The following KLK13 variants were observed in gnomAD, a reference collection of about 807,000 sequenced individuals.
The protein encoded by KLK13 is kallikrein related peptidase 13.
KLK13 carries 19 observed loss-of-function variants against 22.4 expected under a neutral mutation model. The observed-to-expected ratio is 0.85, with a 90% CI of 0.59 to 1.24. The LOEUF (loss-of-function observed/expected upper bound fraction) is 1.24. Among genes scored for constraint, KLK13 ranks in the 50% most tolerant of loss-of-function variants. The pLI, the probability that KLK13 is intolerant of heterozygous loss-of-function variation, is 0.00. For missense variants in KLK13, 311 were observed against 347.9 expected, an observed-to-expected ratio of 0.89 and a Z score of 0.84; for synonymous variants, 156 against 141.8, an observed-to-expected ratio of 1.10 and a Z score of -0.71.
rs1432953221 is a variant in KLK13, at chr19:51,059,801, C to T, written c.508+24G>A. On this transcript the variant is annotated intron_variant, in intron 3 of 4. Transcript: ENST00000595793. ...TTCCCCAGCCACTCCTATGGGGCCTCAGGCCACCTGTGTGGGTGCATACCC... is the reference window on the plus strand; with the variant it reads ...TTCCCCAGCCACTCCTATGGGGCCTTAGGCCACCTGTGTGGGTGCATACCC... 5 of 1,555,972 alleles carry T rather than the reference C, an allele frequency of 3.2e-6. No individual in the cohort carries two copies. In the African/African-American group the frequency reaches 6.9e-5, roughly 22 times the overall value.
At chr19:51,061,221 CCATCCAT>C (rs1345571216) in intron 1 of KLK13, among the ~76,000 whole-genome samples, 4 of 150,856 alleles carry the variant, frequency 2.7e-5, no homozygotes, top group Admixed American at 6.6e-5. Flanking sequence ...ATCCATCCAT[CCATCCAT>C]CCAATCCAAC....
chr19:51,060,329 TC>T, intron 2 of KLK13, 103 bp downstream of exon 2: 1 of 1,266,254 alleles, frequency 7.9e-7, no homozygotes, highest in Non-Finnish European at 1.1e-6. Flanking sequence ...CCCATGTCCA[TC>T]CCCAACCCTA....
intron 4 of KLK13, among the ~76,000 whole-genome samples, chr19:51,057,909 C>T (rs984299726): frequency 5.9e-5 from 9 of 152,200 alleles, no homozygotes; most frequent in African/African-American, 1.7e-4. Context: ...TCAGGCTTGG[C>T]CCATCAGAGA....
chr19:51,059,591 A>G (rs2091706424), intron 3 of KLK13: 1 of 236,656 alleles, frequency 4.2e-6, no homozygotes, highest in Non-Finnish European at 7.7e-6. Context: ...TAATATATTC[A>G]TATATTAGAT....
At chr19:51,058,869 G>A (rs750906392) in intron 3 of KLK13, among the ~76,000 whole-genome samples, 195 bp from the exon 4 acceptor site, 3 of 151,954 alleles carry the variant, frequency 2.0e-5, no homozygotes, top group Non-Finnish European at 2.9e-5. Flanking sequence ...GGAGAGAGGC[G>A]AAGGGAGAGA....
chr19:51,064,957 T>C, intron 1 of KLK13, 59 bp downstream of exon 1: 1 of 1,373,444 alleles, frequency 7.3e-7, no homozygotes, highest in African/African-American at 1.4e-5. Context: ...CCCTCCGGCC[T>C]GACCCCTCCT....
Position 51,057,473 on chromosome 19 carries a change from T to C in KLK13, c.646-698A>G, listed in dbSNP as rs112747685. On this transcript the variant is annotated intron_variant, in intron 4 of 4. Transcript: ENST00000595793. ...GAGACAGTGTCTTGCTCTATTTATT[T>C]CTTTTTGTTTTAGAGACAGGGCCTT... Among the ~76,000 whole-genome samples, 954 of 152,266 alleles carry C rather than the reference T, an allele frequency of 6.3e-3. 3 individuals carry two copies. Among genetic ancestry groups the C allele is most frequent in the African/African-American group, 0.011 (456 of 41,546 alleles).
chr19:51,060,586 G>A lies in KLK13; in HGVS notation c.86C>T (p.Thr29Ile). The A allele has an allele frequency of 6.2e-7, 1 of 1,611,902 alleles. No individual in the cohort carries two copies. Among genetic ancestry groups the A allele is most frequent in the Non-Finnish European group, 8.5e-7 (1 of 1,178,596 alleles). ...VSQESSKVLN[T>I]NGTSGFLPGG... Reference sequence around the variant, plus strand: ...TGGGAGAAACCCACTGGTCCCATTGGTGTTGAGAACCTTGGAAGACTCCTG... The same window carrying A: ...TGGGAGAAACCCACTGGTCCCATTGATGTTGAGAACCTTGGAAGACTCCTG... Residue 29 changes from threonine (T) to isoleucine (I), a missense_variant, in exon 2 of 5, where the codon ACC becomes ATC. Transcript: ENST00000595793.
At chr19:51,062,186 T>C (rs2091736976) in intron 1 of KLK13, among the ~76,000 whole-genome samples, 2 of 152,180 alleles carry the variant, frequency 1.3e-5, no homozygotes, top group African/African-American at 2.4e-5. Context: ...ACAGCACAGA[T>C]ATAGGATATT....
Position 51,056,308 on chromosome 19 carries a change from C to T in KLK13, c.*279G>A, listed in dbSNP as rs895231681. ...GAACGTTCAGGTGGTGATCTGGGCT[C>T]ATAGAAGCCACACTGATGAAGTTGA... On this transcript the variant is annotated 3_prime_UTR_variant, in exon 5 of 5. Coordinates refer to ENST00000595793, the MANE Select transcript of KLK13 (RefSeq NM_015596.3). 2.2e-5 allele frequency: 9 copies of T among 416,714 alleles called. No individual in the cohort carries two copies. The highest frequency in any genetic ancestry group is 1.3e-4 in the South Asian group (4 of 30,188). 25.8% of individuals were successfully genotyped at this position (416,714 alleles called of 1,614,324 possible). A position where few individuals can be genotyped will look rare whatever the true frequency, so the allele number is the denominator to read the frequency against.
intron 1 of KLK13, among the ~76,000 whole-genome samples, chr19:51,062,590 T>C (rs1309110327): frequency 6.6e-6 from 1 of 152,174 alleles, no homozygotes; most frequent in Non-Finnish European, 1.5e-5. Flanking sequence ...GCACTGTGTC[T>C]GGCATTGAAA....
chr19:51,064,272 G>C (rs2091756598), intron 1 of KLK13, among the ~76,000 whole-genome samples: 1 of 152,068 alleles, frequency 6.6e-6, no homozygotes, highest in African/African-American at 2.4e-5. Flanking sequence ...CGGGCTACTT[G>C]AAGTTAGAAG....
At chr19:51,063,709 C>T (rs896400048) in intron 1 of KLK13, 4 of 456,632 alleles carry the variant, frequency 8.8e-6, no homozygotes, top group Admixed American at 7.0e-5. Context: ...AGCCACCCCA[C>T]CTTCAGGCCA....
intron 3 of KLK13, 142 bp from the exon 4 acceptor site, chr19:51,058,816 T>C (rs2091699620): frequency 3.6e-6 from 3 of 831,818 alleles, no homozygotes; most frequent in Non-Finnish European, 5.9e-6. Context: ...TGAGCACCTA[T>C]CTGGGTAAAG....
Position 51,056,423 on chromosome 19 carries a change from C to T in KLK13, c.*164G>A. ...CTGGGAGACTGCAAGCCTGGCAGTG[C>T]CTGAATGCTTCTGAAACATGGAATG... On this transcript the variant is annotated 3_prime_UTR_variant, in exon 5 of 5. Transcript: ENST00000595793. The T allele has an allele frequency of 1.3e-6, 1 of 756,126 alleles. No homozygotes were observed. Among genetic ancestry groups the T allele is most frequent in the South Asian group, 1.8e-5 (1 of 56,586 alleles). The allele number at this position is 756,126 out of a possible 1,614,324, so 46.8% of individuals were successfully genotyped here.
Position 51,056,479 on chromosome 19 carries a change from G to T in KLK13, c.*108C>A. ...TGAGATTGAGCATTTTTCAGGACAT[G>T]GATCACTGGTTCAAATGGAACACTG... On this transcript the variant is annotated 3_prime_UTR_variant, in exon 5 of 5. Coordinates refer to ENST00000595793, the MANE Select transcript of KLK13 (RefSeq NM_015596.3). 1 of 1,150,988 alleles carries T rather than the reference G, an allele frequency of 8.7e-7. No individual in the cohort carries two copies. Among genetic ancestry groups the T allele is most frequent in the Non-Finnish European group, 1.3e-6 (1 of 787,286 alleles). The allele number at this position is 1,150,988 out of a possible 1,614,324, so 71.3% of individuals were successfully genotyped here.
chr19:51,061,072 T>A (rs1199425937), intron 1 of KLK13, among the ~76,000 whole-genome samples: 1 of 152,064 alleles, frequency 6.6e-6, no homozygotes, highest in Non-Finnish European at 1.5e-5. Context: ...CATCCATCTA[T>A]CCATTCATCC....
At chr19:51,065,382 C>G (rs2091773368), upstream of KLK13, among the ~76,000 whole-genome samples, 1 of 152,090 alleles carries the variant, frequency 6.6e-6, no homozygotes, top group South Asian at 2.1e-4. Flanking sequence ...GCACTCTCGC[C>G]CTTTTCCTCC....
At chr19:51,065,136 G>A (rs185154663), upstream of KLK13, 16 of 1,179,664 alleles carry the variant, frequency 1.4e-5, no homozygotes, top group East Asian at 4.0e-4. Context: ...GGTGTTGAGG[G>A]CGTGCCCGGA....
Sources: allele counts gnomAD v4.1 joint callset (sites outside exome capture counted in the v4.1 genomes callset), GRCh38; gene constraint gnomAD v4.1.1; transcripts MANE v1.5; gene names NCBI Gene and HGNC (gene_info 2026-07-23, HGNC 2026-07-21).